SCPPPQ1: variants seen among roughly 807,000 people sequenced by gnomAD.
SCPPPQ1 encodes secretory calcium-binding phosphoprotein proline- and glutamine-rich 1.
the SCPPPQ1 span, among the ~76,000 whole-genome samples, chr4:87,461,292 G>T: frequency 6.6e-6 from 1 of 152,196 alleles, no homozygotes; most frequent in East Asian, 1.9e-4. Flanking sequence ...TTTGAATCAT[G>T]GTCTGACTGG....
the SCPPPQ1 span, among the ~76,000 whole-genome samples, chr4:87,469,582 G>C: frequency 2.6e-5 from 4 of 152,300 alleles, no homozygotes; most frequent in East Asian, 7.7e-4. Context: ...GCTGAGGAGG[G>C]TGTACTCACG....
the SCPPPQ1 span, among the ~76,000 whole-genome samples, chr4:87,465,627 T>TCA: frequency 6.6e-6 from 1 of 151,516 alleles, no homozygotes; most frequent in Non-Finnish European, 1.5e-5. Context: ...CTCTCTTGCT[T>TCA]TTTCTCATTT....
At chr4:87,464,149 A>G in the SCPPPQ1 span, among the ~76,000 whole-genome samples, 1 of 152,182 alleles carries the variant, frequency 6.6e-6, no homozygotes, top group South Asian at 2.1e-4. Context: ...TATGGACTTT[A>G]TAGAATAACA....
At chr4:87,468,425 C>G in the SCPPPQ1 span, among the ~76,000 whole-genome samples, 7 of 152,272 alleles carry the variant, frequency 4.6e-5, no homozygotes, top group African/African-American at 1.7e-4. Context: ...TGAAAGCTCC[C>G]TCACTTCTTC....
At chr4:87,461,610 C>G in the SCPPPQ1 span, among the ~76,000 whole-genome samples, 1 of 152,108 alleles carries the variant, frequency 6.6e-6, no homozygotes, top group Non-Finnish European at 1.5e-5. Flanking sequence ...ATTTCAAACT[C>G]AAATAGAAGG....
At chr4:87,464,199 A>T in the SCPPPQ1 span, among the ~76,000 whole-genome samples, 6 of 152,198 alleles carry the variant, frequency 3.9e-5, no homozygotes, top group African/African-American at 1.4e-4. Flanking sequence ...ATTAGGTGTG[A>T]GGACCTAGAA....
the SCPPPQ1 span, among the ~76,000 whole-genome samples, chr4:87,468,611 A>G: frequency 6.6e-6 from 1 of 152,184 alleles, no homozygotes; most frequent in Non-Finnish European, 1.5e-5. Flanking sequence ...ACAGTATTTC[A>G]TATATTCTTA....
chr4:87,461,418 T>C, the SCPPPQ1 span, among the ~76,000 whole-genome samples: 1 of 152,250 alleles, frequency 6.6e-6, no homozygotes, highest in African/African-American at 2.4e-5. Context: ...ACTCATGTTA[T>C]TCATAGTATT....
the SCPPPQ1 span, among the ~76,000 whole-genome samples, chr4:87,470,248 G>A: frequency 6.6e-6 from 1 of 152,196 alleles, no homozygotes; most frequent in Non-Finnish European, 1.5e-5. Context: ...TTACAGGTGT[G>A]AGCCACTGTG....
the SCPPPQ1 span, among the ~76,000 whole-genome samples, chr4:87,467,603 C>T: frequency 1.3e-5 from 2 of 152,270 alleles, no homozygotes; most frequent in South Asian, 2.1e-4. Flanking sequence ...AGAAACACTG[C>T]GAGAGGGCAC....
the SCPPPQ1 span, among the ~76,000 whole-genome samples, chr4:87,465,559 C>CAAAAAAAAAAAAAAAAAAA: frequency 3.1e-5 from 3 of 98,310 alleles, no homozygotes; most frequent in Non-Finnish European, 5.9e-5. Context: ...TAGAAATCTA[C>CAAAAAAAAAAAAAAAAAAA]AAAAAAAAAA....
At chr4:87,462,671 C>A in the SCPPPQ1 span, among the ~76,000 whole-genome samples, 3 of 152,182 alleles carry the variant, frequency 2.0e-5, no homozygotes, top group East Asian at 3.9e-4. Context: ...AGGCTTTTCT[C>A]ATTATTTACT....
At chr4:87,468,966 G>T in the SCPPPQ1 span, among the ~76,000 whole-genome samples, 2 of 152,132 alleles carry the variant, frequency 1.3e-5, no homozygotes, top group African/African-American at 4.8e-5. Flanking sequence ...TTCAAAAATT[G>T]GACTTTAAAG....
At chr4:87,468,277 A>G in the SCPPPQ1 span, among the ~76,000 whole-genome samples, 5 of 152,226 alleles carry the variant, frequency 3.3e-5, no homozygotes, top group African/African-American at 7.2e-5. Context: ...ATTTCTTAAG[A>G]TTAATTCCAT....
At chr4:87,466,701 C>T in the SCPPPQ1 span, among the ~76,000 whole-genome samples, 4 of 152,012 alleles carry the variant, frequency 2.6e-5, no homozygotes, top group Non-Finnish European at 5.9e-5. Flanking sequence ...TTTAGGAGAT[C>T]AGACAATATT....
the SCPPPQ1 span, among the ~76,000 whole-genome samples, chr4:87,469,056 T>C: frequency 0.061 from 9,319 of 152,338 alleles, 407 homozygotes; most frequent in Non-Finnish European, 0.095. Flanking sequence ...ATGTAAGTTA[T>C]CTTAAATATT....
the SCPPPQ1 span, among the ~76,000 whole-genome samples, chr4:87,469,135 G>A: frequency 2.0e-5 from 3 of 152,126 alleles, no homozygotes; most frequent in Non-Finnish European, 4.4e-5. Context: ...CCATGTAACA[G>A]CCTTTTAAGA....
chr4:87,465,559 CAAAAAAAAAAA>C, the SCPPPQ1 span, among the ~76,000 whole-genome samples: 58 of 98,308 alleles, frequency 5.9e-4, 1 homozygote, highest in South Asian at 0.015. Flanking sequence ...TAGAAATCTA[CAAAAAAAAAAA>C]AAAAAAAAAA....
At chr4:87,469,288 C>T in the SCPPPQ1 span, among the ~76,000 whole-genome samples, 1 of 152,136 alleles carries the variant, frequency 6.6e-6, no homozygotes, top group Non-Finnish European at 1.5e-5. Flanking sequence ...GGACCCTTCT[C>T]TGCCTTAGAT....
Sources: gnomAD v4.1 joint callset for allele counts (sites outside exome capture counted in the v4.1 genomes callset) on GRCh38, gnomAD v4.1.1 for gene constraint, MANE v1.5 for transcripts, NCBI Gene and HGNC (gene_info 2026-07-23, HGNC 2026-07-21) for gene names.